KIF11: variants seen among roughly 807,000 people sequenced by gnomAD.
KIF11 encodes kinesin family member 11.
Under a neutral mutation model 121.0 loss-of-function variants are expected in KIF11, and 9 were observed. The observed-to-expected ratio is 0.07, with a 90% CI of 0.04 to 0.13. The LOEUF (loss-of-function observed/expected upper bound fraction) is 0.13, where lower values mean the gene tolerates loss of function less well. KIF11 is among the 10% of genes least tolerant of loss of function. The pLI is 1.00. For missense variants in KIF11, 846 were observed against 1,217.5 expected, an observed-to-expected ratio of 0.69 and a Z score of 4.54; for synonymous variants, 408 against 421.0, an observed-to-expected ratio of 0.97 and a Z score of 0.38.
At chr10:92,651,587 G>A (rs1265792805) in intron 21 of KIF11, among the ~76,000 whole-genome samples, 3 of 116,850 alleles carry the variant, frequency 2.6e-5, no homozygotes, top group South Asian at 3.0e-4. Flanking sequence ...GGCTGGTCTC[G>A]AACTCCCAAC....
chr10:92,623,064 G>A (rs529761233), intron 10 of KIF11, among the ~76,000 whole-genome samples: 16 of 152,320 alleles, frequency 1.1e-4, no homozygotes, highest in African/African-American at 3.8e-4. Flanking sequence ...TGAGATTTCA[G>A]TGGGGACAGA....
At chr10:92,600,252 T>A (rs1844354376) in intron 1 of KIF11, among the ~76,000 whole-genome samples, 1 of 151,616 alleles carries the variant, frequency 6.6e-6, no homozygotes, top group African/African-American at 2.4e-5. Flanking sequence ...ATCCGCCCGC[T>A]TCGGCCTCCC....
In KIF11 at chr10:92,613,215, G is replaced by A; in HGVS notation, c.789+85G>A. On this transcript the variant is annotated intron_variant, in intron 7 of 21. Transcript: ENST00000260731. This position sits in a 1 kb window ranked among gnomAD's most constrained non-coding sequence, Gnocchi z 4.2. The stretch of plus-strand genomic sequence containing the variant: ...ATTTTGTCCTTGAGACAAAATTTTT[G>A]TGGTCACTGGGTGATTAGCTTTGTA... 1.7e-6 allele frequency: 2 copies of A among 1,179,084 alleles called. No individual in the cohort carries two copies. Among genetic ancestry groups the A allele is most frequent in the African/African-American group, 1.5e-5 (1 of 64,816 alleles). 73.0% of individuals were successfully genotyped at this position (1,179,084 alleles called of 1,614,324 possible).
intron 16 of KIF11, 105 bp downstream of exon 16, chr10:92,637,650 T>C: frequency 1.8e-6 from 2 of 1,098,124 alleles, no homozygotes; most frequent in South Asian, 3.1e-5. Flanking sequence ...CTGTAAAAGC[T>C]GAAACCTGAA....
chr10:92,647,886 A>C (rs1844936774), intron 18 of KIF11, among the ~76,000 whole-genome samples: 1 of 152,078 alleles, frequency 6.6e-6, no homozygotes, highest in South Asian at 2.1e-4. Context: ...AGGTGGGCAG[A>C]TTGCTTGAGC....
chr10:92,616,467 G>A (rs765428424), intron 8 of KIF11, among the ~76,000 whole-genome samples: 7 of 151,834 alleles, frequency 4.6e-5, no homozygotes, highest in Non-Finnish European at 8.8e-5. Context: ...CCAAAGTGCT[G>A]GAATTACAAA....
intron 1 of KIF11, chr10:92,597,008 A>T (rs1338983041): frequency 2.5e-6 from 1 of 398,260 alleles, no homozygotes; most frequent in Non-Finnish European, 5.0e-6. Context: ...CACATTTGAT[A>T]CCCAAATCTG....
intron 1 of KIF11, among the ~76,000 whole-genome samples, chr10:92,602,013 G>A (rs762563086): frequency 3.3e-5 from 5 of 152,034 alleles, no homozygotes; most frequent in Admixed American, 2.0e-4. Flanking sequence ...TTCCTGCATC[G>A]ATTGACATGA....
rs1844433865 is a variant in KIF11, at chr10:92,606,644, T to C, written c.236T>C (p.Ile79Thr). 6.3e-7 allele frequency: 1 copy of C among 1,590,434 alleles called. No homozygotes were observed. The highest frequency in any genetic ancestry group is 8.6e-7 in the Non-Finnish European group (1 of 1,159,020). The change falls in exon 3 of 22, where the codon ATT becomes ACT. Residue 79 changes from isoleucine (I) to threonine (T), a missense_variant. By Grantham distance (89) the Ile-to-Thr change is moderately conservative. This residue lies in a region of KIF11 where 140 missense variants were observed against 193.5 expected (regional missense o/e 0.72). Coordinates refer to ENST00000260731, the MANE Select transcript of KIF11 (RefSeq NM_004523.4). ...DMVFGASTKQ[I>T]DVYRSVVCPI... ...GTGTTTGGAGCATCTACTAAACAGATTGATGTTTACCGAAGTGTTGTTTGT... is the reference window on the plus strand; with the variant it reads ...GTGTTTGGAGCATCTACTAAACAGACTGATGTTTACCGAAGTGTTGTTTGT...
rs531624854 is a variant in KIF11, at chr10:92,613,645, A to C, written c.1032+26A>C. 6.3e-7 allele frequency: 1 copy of C among 1,586,006 alleles called. No homozygotes were observed. Among genetic ancestry groups the C allele is most frequent in the African/African-American group, 1.4e-5 (1 of 73,408 alleles). On this transcript the variant is annotated intron_variant, in intron 8 of 21. Transcript: ENST00000260731. This position sits in a 1 kb window ranked among gnomAD's most constrained non-coding sequence, Gnocchi z 4.2. The stretch of plus-strand genomic sequence containing the variant: ...GTAAGCCCTTTGAAAGGAAGCTGCA[A>C]GTGTAGTAGCTGTAATTCTTATTTG...
chr10:92,634,573 C>T (rs11819351), intron 14 of KIF11, among the ~76,000 whole-genome samples: 22,715 of 152,126 alleles, frequency 0.15, 3,611 homozygotes, highest in African/African-American at 0.4. Context: ...CGTGCCCGGC[C>T]GAGAGTACGT....
chr10:92,632,431 A>G lies in KIF11; in HGVS notation c.1495-55A>G. 3 of 1,139,090 alleles carry G rather than the reference A, an allele frequency of 2.6e-6. No homozygotes were observed. The South Asian group carries it at 3.9e-5, about 15-fold the overall frequency. The allele number at this position is 1,139,090 out of a possible 1,614,324, so 70.6% of individuals were successfully genotyped here. A position where few individuals can be genotyped will look rare whatever the true frequency, so the allele number is the denominator to read the frequency against. ...GATAAATCCTTGTGTAGATACTTTC[A>G]TCAGATTCCTTTCACCGTATCCATT... On this transcript the variant is annotated intron_variant, in intron 12 of 21. Transcript: ENST00000260731.
chr10:92,630,102 T>A, intron 11 of KIF11, 74 bp from the exon 12 acceptor site: 2 of 760,212 alleles, frequency 2.6e-6, no homozygotes, highest in Non-Finnish European at 4.0e-6. Flanking sequence ...ATAATTTGTT[T>A]CATTTTTCTA....
At chr10:92,604,138 G>A (rs78084421) in intron 1 of KIF11, among the ~76,000 whole-genome samples, 3,163 of 152,232 alleles carry the variant, frequency 0.021, 49 homozygotes, top group Admixed American at 0.052. Context: ...GTGAGCAGCC[G>A]AAACTTTGCA....
intron 6 of KIF11, among the ~76,000 whole-genome samples, chr10:92,612,549 T>C (rs994326081): frequency 2.0e-5 from 3 of 152,214 alleles, no homozygotes; most frequent in African/African-American, 4.8e-5. Context: ...TGTTAGGGGA[T>C]AGGAGTCATC....
intron 1 of KIF11, among the ~76,000 whole-genome samples, chr10:92,602,080 T>C (rs1844379691): frequency 6.6e-6 from 1 of 152,212 alleles, no homozygotes; most frequent in Admixed American, 6.5e-5. Context: ...AATTTTTACA[T>C]GTTGGACCAT....
intron 1 of KIF11, 55 bp from the exon 2 acceptor site, chr10:92,606,210 T>C: frequency 2.0e-6 from 3 of 1,486,072 alleles, no homozygotes; most frequent in Middle Eastern, 1.8e-4. Flanking sequence ...GAAAATGTCA[T>C]TGATAACCTG....
intron 6 of KIF11, among the ~76,000 whole-genome samples, chr10:92,612,017 C>A (rs1223545664): frequency 6.6e-6 from 1 of 152,020 alleles, no homozygotes; most frequent in Admixed American, 6.5e-5. Context: ...ATAATGTTCA[C>A]CAAATGCCAT....
rs76605300 is a variant in KIF11, at chr10:92,608,840, C to T, written c.388-180C>T. The stretch of plus-strand genomic sequence containing the variant: ...AGGTTTATGGAGGGTGTGAAGACTA[C>T]TGTAGAACAGACTGTTGTAAATGAC... On this transcript the variant is annotated intron_variant, in intron 4 of 21. Transcript: ENST00000260731. 0.021 allele frequency among the ~76,000 whole-genome samples: 3,164 copies of T among 152,234 alleles called. 48 individuals carry two copies. The highest frequency in any genetic ancestry group is 0.052 in the Admixed American group (800 of 15,284).
Sources: allele counts gnomAD v4.1 joint callset (sites outside exome capture counted in the v4.1 genomes callset), GRCh38; gene constraint gnomAD v4.1.1; regional missense constraint gnomAD v4.1.1; non-coding constraint Gnocchi (gnomAD v3.1); transcripts MANE v1.5; gene names NCBI Gene and HGNC (gene_info 2026-07-23, HGNC 2026-07-21).